The following CSGALNACT1 variants were observed in gnomAD, a reference collection of about 807,000 sequenced individuals.
CSGALNACT1 encodes chondroitin sulfate N-acetylgalactosaminyltransferase 1, also known as beta4GalNAcT-1.
Under a neutral mutation model 51.0 loss-of-function variants are expected in CSGALNACT1, and 52 were observed. The ratio of observed to expected loss-of-function variants is 1.02; its 90% CI spans 0.82 to 1.29. The LOEUF (loss-of-function observed/expected upper bound fraction) is 1.29, where lower values mean the gene tolerates loss of function less well. Ranked by LOEUF, CSGALNACT1 falls within the 50% of genes most tolerant of loss-of-function variation. The pLI is 0.00. For missense variants in CSGALNACT1, 935 were observed against 679.2 expected (o/e 1.38, Z -4.19); for synonymous variants, 341 against 254.4 (o/e 1.34, Z -3.24).
At chr8:19,497,881 T>C (rs1250486106) in intron 4 of CSGALNACT1, among the ~76,000 whole-genome samples, 5 of 152,102 alleles carry the variant, frequency 3.3e-5, no homozygotes. Flanking sequence ...ATACAGCCAT[T>C]TGTCCCTTAC....
intron 5 of CSGALNACT1, among the ~76,000 whole-genome samples, chr8:19,452,948 C>A (rs1333301126): frequency 6.6e-6 from 1 of 152,078 alleles, no homozygotes; most frequent in African/African-American, 2.4e-5. Context: ...AATACCCTGT[C>A]CTCAAAATAT....
intron 1 of CSGALNACT1, among the ~76,000 whole-genome samples, chr8:19,670,366 C>T (rs2059697116): frequency 6.6e-6 from 1 of 152,092 alleles, no homozygotes. Context: ...AAAAATTGTA[C>T]CATTTTAACA....
chr8:19,450,258 C>A (rs1244286294), intron 5 of CSGALNACT1, among the ~76,000 whole-genome samples: 1 of 54,180 alleles, frequency 1.8e-5, no homozygotes, highest in Non-Finnish European at 3.3e-5. Context: ...GGGGGAGGAA[C>A]AGGGGAGGAG....
chr8:19,618,629 CAAAAAAAAAAAAA>C (rs60787326), intron 1 of CSGALNACT1, among the ~76,000 whole-genome samples: 6 of 64,034 alleles, frequency 9.4e-5, no homozygotes, highest in East Asian at 6.0e-4. Flanking sequence ...AATACTCCAT[CAAAAAAAAAAAAA>C]AAAAAAAAAA....
chr8:19,754,225 G>T (rs1043575283), intron 1 of CSGALNACT1, among the ~76,000 whole-genome samples: 16 of 151,914 alleles, frequency 1.1e-4, no homozygotes, highest in Admixed American at 3.9e-4. Context: ...GTGGGGTTTC[G>T]CCCTGTTGGC....
chr8:19,518,419 C>G (rs574127803), intron 3 of CSGALNACT1, among the ~76,000 whole-genome samples: 1 of 152,232 alleles, frequency 6.6e-6, no homozygotes, highest in Admixed American at 6.5e-5. Context: ...CACCAATCAA[C>G]TGGAAAGCTA....
chr8:19,600,050 C>A (rs1289304019), intron 2 of CSGALNACT1, among the ~76,000 whole-genome samples: 2 of 152,148 alleles, frequency 1.3e-5, no homozygotes, highest in Non-Finnish European at 2.9e-5. Flanking sequence ...CACCATGGTT[C>A]ATTCTTGGTC....
chr8:19,478,931 T>C (rs1439392690), intron 4 of CSGALNACT1, among the ~76,000 whole-genome samples: 1 of 152,126 alleles, frequency 6.6e-6, no homozygotes, highest in Non-Finnish European at 1.5e-5. Flanking sequence ...AATGTTTGGA[T>C]GGTAGGAAAA....
intron 4 of CSGALNACT1, among the ~76,000 whole-genome samples, chr8:19,484,852 T>C (rs2072455976): frequency 1.3e-5 from 2 of 152,094 alleles, no homozygotes. Context: ...AAGGAGGACA[T>C]TTGGACACAC....
upstream of CSGALNACT1, among the ~76,000 whole-genome samples, chr8:19,684,189 T>C (rs2060836858): frequency 6.6e-6 from 1 of 151,442 alleles, no homozygotes. Context: ...ATAATAAAGC[T>C]CAATGATTCA....
At chr8:19,597,779 T>G (rs1397286499) in intron 2 of CSGALNACT1, among the ~76,000 whole-genome samples, 1 of 152,202 alleles carries the variant, frequency 6.6e-6, no homozygotes, top group Non-Finnish European at 1.5e-5. Context: ...ATGAGGGTCT[T>G]CAGACACCAG....
intron 3 of CSGALNACT1, among the ~76,000 whole-genome samples, chr8:19,533,686 T>C (rs1045049188): frequency 2.0e-5 from 3 of 152,186 alleles, no homozygotes; most frequent in African/African-American, 7.2e-5. Flanking sequence ...TTCCTCTTTC[T>C]GTGTATTAAC....
chr8:19,738,936 A>G (rs1477377509), intron 1 of CSGALNACT1, among the ~76,000 whole-genome samples: 1 of 152,218 alleles, frequency 6.6e-6, no homozygotes, highest in East Asian at 1.9e-4. Context: ...AAGAGACTTC[A>G]GAGACTAAAC....
At chr8:19,658,229 C>G (rs1409042998) in intron 1 of CSGALNACT1, among the ~76,000 whole-genome samples, 2 of 151,996 alleles carry the variant, frequency 1.3e-5, no homozygotes, top group African/African-American at 4.8e-5. Context: ...GCACACACAG[C>G]CAGGAGGTAG....
intron 1 of CSGALNACT1, among the ~76,000 whole-genome samples, chr8:19,624,145 C>A (rs960780164): frequency 6.6e-6 from 1 of 152,190 alleles, no homozygotes; most frequent in African/African-American, 2.4e-5. Flanking sequence ...ACTATTTGGA[C>A]CACCTCTTCA....
rs370912975 is a variant in CSGALNACT1, at chr8:19,571,496, GAA to G, written c.-297+19662_-297+19663del. Among the ~76,000 whole-genome samples the G allele has an allele frequency of 2.4e-4, 36 of 151,840 alleles. No individual in the cohort carries two copies. In the South Asian group the frequency reaches 4.8e-3, roughly 20 times the overall value. ...AACAAAAAAAAAAAACAGAACCAGG[GAA>G]AGAGTCGCTGTCAGCTGCCACTCTT... On this transcript the variant is annotated intron_variant, in intron 3 of 9. Coordinates refer to ENST00000454498, the Ensembl canonical transcript of CSGALNACT1.
chr8:19,436,709 C>G (rs1298493607), intron 6 of CSGALNACT1, among the ~76,000 whole-genome samples: 1 of 152,024 alleles, frequency 6.6e-6, no homozygotes, highest in African/African-American at 2.4e-5. Context: ...GGGTTTGAAA[C>G]CAGCCTGGGA....
chr8:19,459,600 C>G (rs2064934977), intron 4 of CSGALNACT1, among the ~76,000 whole-genome samples: 1 of 152,114 alleles, frequency 6.6e-6, no homozygotes, highest in Non-Finnish European at 1.5e-5. Context: ...CTTCCCATCT[C>G]TAAACAGCAT....
intron 3 of CSGALNACT1, among the ~76,000 whole-genome samples, chr8:19,576,589 C>T (rs575309124): frequency 2.6e-5 from 4 of 151,860 alleles, no homozygotes; most frequent in Admixed American, 1.3e-4. Flanking sequence ...AGACCCCCAA[C>T]GAGTCTTGCT....
Sources: gnomAD v4.1 joint callset for allele counts (sites outside exome capture counted in the v4.1 genomes callset) on GRCh38, gnomAD v4.1.1 for gene constraint, MANE v1.5 for transcripts, NCBI Gene and HGNC (gene_info 2026-07-23, HGNC 2026-07-21) for gene names.